Variants in MAP2K6 observed in about 807,000 individuals in gnomAD.
MAP2K6 encodes the protein dual specificity mitogen-activated protein kinase kinase 6.
A neutral mutation model predicts 53.7 loss-of-function variants in MAP2K6; 16 were observed. The ratio of observed to expected loss-of-function variants is 0.30; its 90% CI spans 0.20 to 0.45. The LOEUF is 0.45. MAP2K6 is among the 20% of genes least tolerant of loss of function. The pLI, the probability that MAP2K6 is intolerant of heterozygous loss-of-function variation, is 1.00. For missense variants in MAP2K6, 204 were observed against 411.9 expected, an observed-to-expected ratio of 0.50 and a Z score of 4.37; for synonymous variants, 132 against 143.1, an observed-to-expected ratio of 0.92 and a Z score of 0.55.
intron 1 of MAP2K6, among the ~76,000 whole-genome samples, chr17:69,446,655 G>A (rs1482850510): frequency 1.3e-5 from 2 of 152,076 alleles, no homozygotes; most frequent in Non-Finnish European, 2.9e-5. Context: ...TTGCAGAGTC[G>A]GGATGCCAAC....
At chr17:69,505,419 G>A (rs1259398674) in intron 1 of MAP2K6, 1 of 207,440 alleles carries the variant, frequency 4.8e-6, no homozygotes, top group Non-Finnish European at 9.6e-6. Flanking sequence ...CTCCAGCCTG[G>A]GTGACAGAGT....
intron 1 of MAP2K6, among the ~76,000 whole-genome samples, chr17:69,415,951 G>C (rs2145121077): frequency 6.6e-6 from 1 of 152,186 alleles, no homozygotes; most frequent in Admixed American, 6.5e-5. Flanking sequence ...CCCTGGGAAG[G>C]GGATTTAAAA....
rs752485970 is a variant in MAP2K6, at chr17:69,517,497, C to T, written c.133-3C>T. Reference sequence around the variant, plus strand: ...ATTGCATTATTCCTTTTCTCTCTTGCAGAACTTTGAGGTGAAGGCAGATGA... The same window carrying T: ...ATTGCATTATTCCTTTTCTCTCTTGTAGAACTTTGAGGTGAAGGCAGATGA... On this transcript the variant is annotated splice_region_variant and splice_polypyrimidine_tract_variant and intron_variant, in intron 3 of 11. Transcript: ENST00000590474. 1.3e-6 allele frequency: 2 copies of T among 1,563,874 alleles called. No homozygotes were observed. Among genetic ancestry groups the T allele is most frequent in the South Asian group, 1.2e-5 (1 of 86,730 alleles).
chr17:69,543,869 G>A lies in MAP2K6; in HGVS notation c.*2116G>A, dbSNP rs972118810. The A allele has an allele frequency of 6.6e-6, 1 of 152,138 alleles. No homozygotes were observed. The highest frequency in any genetic ancestry group is 1.9e-4 in the East Asian group (1 of 5,194). The allele number at this position is 152,138 out of a possible 1,614,324, so 9.4% of individuals were successfully genotyped here. A position where few individuals can be genotyped will look rare whatever the true frequency, so the allele number is the denominator to read the frequency against. On this transcript the variant is annotated 3_prime_UTR_variant, in exon 12 of 12. Coordinates refer to ENST00000590474, the MANE Select transcript of MAP2K6 (RefSeq NM_002758.4). ...AGTTGCAAAAACAATCATATTAATA[G>A]TAGAGTAGAGAAAAAGTTAGTCTAT...
At chr17:69,425,403 C>A (rs1228739987) in intron 1 of MAP2K6, among the ~76,000 whole-genome samples, 1 of 152,048 alleles carries the variant, frequency 6.6e-6, no homozygotes, top group Non-Finnish European at 1.5e-5. Context: ...ACCTCCGCCT[C>A]CCGGGTTCAA....
intron 1 of MAP2K6, chr17:69,434,722 G>C (rs956702818): frequency 6.6e-6 from 1 of 151,920 alleles, no homozygotes; most frequent in Non-Finnish European, 1.5e-5. Flanking sequence ...AATTTCCAAA[G>C]TCTGTATCCA....
chr17:69,421,639 C>T (rs989230739), intron 1 of MAP2K6, among the ~76,000 whole-genome samples: 2 of 151,380 alleles, frequency 1.3e-5, no homozygotes, highest in South Asian at 2.1e-4. Flanking sequence ...CCTGGGTTCA[C>T]GCCATTCTCC....
At chr17:69,517,442 C>A in intron 3 of MAP2K6, 58 bp from the exon 4 acceptor site, 1 of 892,308 alleles carries the variant, frequency 1.1e-6, no homozygotes, top group Non-Finnish European at 1.7e-6. Context: ...GGATAATGTG[C>A]TCTCTGTTCT....
intron 1 of MAP2K6, among the ~76,000 whole-genome samples, chr17:69,496,240 G>A (rs1908944381): frequency 6.6e-6 from 1 of 150,784 alleles, no homozygotes; most frequent in Non-Finnish European, 1.5e-5. Context: ...CCGATTCTTC[G>A]AAATGTTCTT....
chr17:69,505,958 G>A, intron 2 of MAP2K6, 112 bp downstream of exon 2: 1 of 830,928 alleles, frequency 1.2e-6, no homozygotes, highest in Non-Finnish European at 1.9e-6. Flanking sequence ...AGCCCTTTAA[G>A]GGGGAAGCCA....
At chr17:69,481,340 C>G (rs1908345209) in intron 1 of MAP2K6, among the ~76,000 whole-genome samples, 1 of 152,162 alleles carries the variant, frequency 6.6e-6, no homozygotes, top group South Asian at 2.1e-4. Context: ...CTTCTTAAGG[C>G]TGAATAATCT....
intron 1 of MAP2K6, among the ~76,000 whole-genome samples, chr17:69,466,101 C>T (rs1211568111): frequency 2.7e-5 from 3 of 112,154 alleles, no homozygotes; most frequent in Non-Finnish European, 5.3e-5. Context: ...GATGAGACCC[C>T]ATCAGTACTT....
intron 1 of MAP2K6, among the ~76,000 whole-genome samples, chr17:69,418,067 G>T (rs1905960346): frequency 6.6e-6 from 1 of 152,202 alleles, no homozygotes; most frequent in Non-Finnish European, 1.5e-5. Context: ...GAAATGAAAT[G>T]TGTAAATTTC....
At chr17:69,433,086 G>A (rs2145139280) in intron 1 of MAP2K6, 1 of 152,358 alleles carries the variant, frequency 6.6e-6, no homozygotes, top group African/African-American at 2.4e-5. Context: ...CCAATGATGT[G>A]ACAGTTGCCC....
chr17:69,519,207 G>T (rs535192013), intron 4 of MAP2K6, 106 bp from the exon 5 acceptor site: 1 of 1,311,942 alleles, frequency 7.6e-7, no homozygotes, highest in Non-Finnish European at 1.0e-6. Context: ...CAATGTCATC[G>T]CCAGAACTTG....
intron 1 of MAP2K6, among the ~76,000 whole-genome samples, chr17:69,442,769 A>G (rs539756425): frequency 3.3e-5 from 5 of 152,330 alleles, no homozygotes; most frequent in African/African-American, 1.2e-4. Context: ...GCCAATTGTA[A>G]GCTGTGTAAC....
chr17:69,466,264 T>G (rs1473962561), intron 1 of MAP2K6, among the ~76,000 whole-genome samples: 1 of 144,802 alleles, frequency 6.9e-6, no homozygotes, highest in Non-Finnish European at 1.5e-5. Context: ...TACTCCAGCC[T>G]GGGTGACGGA....
intron 1 of MAP2K6, among the ~76,000 whole-genome samples, chr17:69,467,256 A>T (rs545178633): frequency 6.6e-6 from 1 of 152,354 alleles, no homozygotes; most frequent in South Asian, 2.1e-4. Flanking sequence ...GTACAAGAAG[A>T]GACTGAAACA....
At chr17:69,518,241 C>T (rs935734402) in intron 4 of MAP2K6, among the ~76,000 whole-genome samples, 5 of 151,920 alleles carry the variant, frequency 3.3e-5, no homozygotes, top group Non-Finnish European at 5.9e-5. Flanking sequence ...TCATCTAATC[C>T]GGAGTCCAAA....
Sources: allele counts gnomAD v4.1 joint callset (sites outside exome capture counted in the v4.1 genomes callset), GRCh38; gene constraint gnomAD v4.1.1; transcripts MANE v1.5; gene names NCBI Gene and HGNC (gene_info 2026-07-23, HGNC 2026-07-21).